Variants in SPATA6 observed in about 807,000 individuals in gnomAD.
SPATA6 encodes the protein spermatogenesis-associated protein 6.
In SPATA6, 56 loss-of-function variants were observed where a neutral mutation model predicts 65.3. The ratio of observed to expected loss-of-function variants is 0.86; its 90% CI spans 0.69 to 1.07. SPATA6 has a LOEUF of 1.07. SPATA6 is among the 50% of genes least tolerant of loss of function. The probability of loss-of-function intolerance (pLI) is 0.00; values close to 1 mark genes in which losing one functional copy is unlikely to be tolerated. For missense variants in SPATA6, 590 were observed against 594.8 expected (o/e 0.99, Z 0.08); for synonymous variants, 199 against 213.2 (o/e 0.93, Z 0.58).
At chr1:48,315,696 G>T (rs572002805) in intron 11 of SPATA6, among the ~76,000 whole-genome samples, 3 of 152,118 alleles carry the variant, frequency 2.0e-5, no homozygotes, top group Admixed American at 6.6e-5. Context: ...CCACGGCAAT[G>T]AGGCAGGAGA....
At chr1:48,273,634 T>C in the SPATA6 span, among the ~76,000 whole-genome samples, 1 of 152,306 alleles carries the variant, frequency 6.6e-6, no homozygotes, top group East Asian at 1.9e-4. Context: ...GAACGATGGT[T>C]TCCAGTGTCA....
At chr1:48,280,605 C>T in the SPATA6 span, among the ~76,000 whole-genome samples, 1 of 152,170 alleles carries the variant, frequency 6.6e-6, no homozygotes, top group Admixed American at 6.5e-5. Context: ...AATTCCTCGA[C>T]ACATACACCC....
chr1:48,391,543 C>A (rs1387494008), intron 8 of SPATA6, among the ~76,000 whole-genome samples: 1 of 152,128 alleles, frequency 6.6e-6, no homozygotes, highest in Non-Finnish European at 1.5e-5. Context: ...CTGATTTGCA[C>A]AGGTTTATAA....
intron 9 of SPATA6, among the ~76,000 whole-genome samples, chr1:48,377,058 C>T (rs536646002): frequency 3.9e-5 from 6 of 152,176 alleles, no homozygotes; most frequent in South Asian, 2.1e-4. Flanking sequence ...AATATCTCTA[C>T]GGCTATCACC....
chr1:48,420,639 G>A (rs966340405), intron 3 of SPATA6, among the ~76,000 whole-genome samples: 2 of 152,114 alleles, frequency 1.3e-5, no homozygotes, highest in African/African-American at 4.8e-5. Flanking sequence ...GTTGATGATT[G>A]TTGTGGTAAA....
At chr1:48,367,371 A>T (rs940687128) in intron 9 of SPATA6, among the ~76,000 whole-genome samples, 14 of 151,784 alleles carry the variant, frequency 9.2e-5, no homozygotes, top group African/African-American at 3.1e-4. Context: ...CTGTCTCGTT[A>T]ATCTGTCTAA....
At chr1:48,442,198 C>T (rs1038741071) in intron 3 of SPATA6, among the ~76,000 whole-genome samples, 8 of 152,174 alleles carry the variant, frequency 5.3e-5, no homozygotes, top group African/African-American at 1.7e-4. Context: ...CCTCTTCCCC[C>T]AGGGACTGGC....
At chr1:48,327,906 G>A (rs960387181) in intron 11 of SPATA6, among the ~76,000 whole-genome samples, 1 of 151,982 alleles carries the variant, frequency 6.6e-6, no homozygotes, top group African/African-American at 2.4e-5. Context: ...AATTACACTA[G>A]AACCACAATT....
At chr1:48,368,607 T>C (rs1227215066) in intron 9 of SPATA6, among the ~76,000 whole-genome samples, 1 of 152,250 alleles carries the variant, frequency 6.6e-6, no homozygotes, top group African/African-American at 2.4e-5. Context: ...GGCTTCTGCA[T>C]TCTTCACGTA....
chr1:48,366,426 A>C (rs935063349), intron 9 of SPATA6, among the ~76,000 whole-genome samples: 38 of 152,178 alleles, frequency 2.5e-4, no homozygotes, highest in African/African-American at 8.7e-4. Context: ...CCATCTGGTC[A>C]TGGACTCTCT....
chr1:48,317,294 T>C (rs113554676), intron 11 of SPATA6, among the ~76,000 whole-genome samples: 36 of 152,134 alleles, frequency 2.4e-4, no homozygotes, highest in Non-Finnish European at 4.1e-4. Flanking sequence ...CCAACAATGA[T>C]AGACTGGATT....
chr1:48,465,818 G>A (rs1657764942), intron 1 of SPATA6, among the ~76,000 whole-genome samples: 1 of 152,032 alleles, frequency 6.6e-6, no homozygotes, highest in South Asian at 2.1e-4. Flanking sequence ...ACCCAACAAA[G>A]TGTACTCTTT....
intron 11 of SPATA6, among the ~76,000 whole-genome samples, chr1:48,345,964 G>A (rs1001267576): frequency 1.3e-5 from 2 of 151,968 alleles, no homozygotes; most frequent in African/African-American, 4.8e-5. Context: ...CAAATTTGAG[G>A]ATGAGGAACT....
At chr1:48,351,706 T>C (rs1159896678) in intron 11 of SPATA6, among the ~76,000 whole-genome samples, 1 of 152,098 alleles carries the variant, frequency 6.6e-6, no homozygotes, top group Non-Finnish European at 1.5e-5. Flanking sequence ...TTTTTGTATA[T>C]ACATTCATGA....
chr1:48,451,474 A>T, intron 3 of SPATA6, 78 bp downstream of exon 3: 1 of 1,398,498 alleles, frequency 7.2e-7, no homozygotes, highest in Non-Finnish European at 9.8e-7. Flanking sequence ...ACTTTTATTT[A>T]ACCCAAGATT....
intron 9 of SPATA6, among the ~76,000 whole-genome samples, chr1:48,362,411 T>C (rs1646842452): frequency 6.6e-6 from 1 of 152,190 alleles, no homozygotes; most frequent in Non-Finnish European, 1.5e-5. Context: ...GCAGACCACT[T>C]CATTTTTATC....
In SPATA6 at chr1:48,461,443, G is replaced by C. The variant is rs571928279; in HGVS notation, c.52-8312C>G. ...CTATGTCCTGAATGGTAATGCCTAGGTTTTCTTCTAGGGTTTTTATGGTTT... is the reference window on the plus strand; with the variant it reads ...CTATGTCCTGAATGGTAATGCCTAGCTTTTCTTCTAGGGTTTTTATGGTTT... On this transcript the variant is annotated intron_variant, in intron 1 of 12. Transcript: ENST00000371847. 2.0e-5 allele frequency among the ~76,000 whole-genome samples: 3 copies of C among 152,006 alleles called. No homozygotes were observed. The South Asian group carries it at 6.2e-4, about 32-fold the overall frequency.
At chr1:48,427,714 C>G (rs2148043586) in intron 3 of SPATA6, among the ~76,000 whole-genome samples, 1 of 152,196 alleles carries the variant, frequency 6.6e-6, no homozygotes, top group East Asian at 1.9e-4. Context: ...TGAAAACCTC[C>G]ATATAACTTT....
chr1:48,351,116 T>C (rs1251515365), intron 11 of SPATA6, among the ~76,000 whole-genome samples: 1 of 151,938 alleles, frequency 6.6e-6, no homozygotes, highest in African/African-American at 2.4e-5. Flanking sequence ...CCTGCTGCTA[T>C]TGTAAATGGC....
Sources: gnomAD v4.1 joint callset for allele counts (sites outside exome capture counted in the v4.1 genomes callset) on GRCh38, gnomAD v4.1.1 for gene constraint, MANE v1.5 for transcripts, NCBI Gene and HGNC (gene_info 2026-07-23, HGNC 2026-07-21) for gene names.